Variants in CADM1 observed in about 807,000 individuals in gnomAD.
CADM1 encodes cell adhesion molecule 1.
Under a neutral mutation model 53.1 loss-of-function variants are expected in CADM1, and 15 were observed. The observed-to-expected ratio is 0.28, with a 90% CI of 0.19 to 0.44. The LOEUF (loss-of-function observed/expected upper bound fraction) is 0.44, where lower values mean the gene tolerates loss of function less well. CADM1 is among the 20% of genes least tolerant of loss of function. The probability of loss-of-function intolerance (pLI) is 1.00; values close to 1 mark genes in which losing one functional copy is unlikely to be tolerated. For missense variants in CADM1, 434 were observed against 611.3 expected, an observed-to-expected ratio of 0.71 and a Z score of 3.06; for synonymous variants, 281 against 243.0, an observed-to-expected ratio of 1.16 and a Z score of -1.45.
chr11:115,189,439 C>T (rs1267301492), intron 10 of CADM1, among the ~76,000 whole-genome samples: 1 of 152,116 alleles, frequency 6.6e-6, no homozygotes, highest in Non-Finnish European at 1.5e-5. Context: ...TTGAGAAGAT[C>T]CAATTGCCAG....
chr11:115,332,879 A>G (rs1945168989), intron 1 of CADM1, among the ~76,000 whole-genome samples: 1 of 152,106 alleles, frequency 6.6e-6, no homozygotes, highest in Non-Finnish European at 1.5e-5. Flanking sequence ...AATGGGGGGA[A>G]AAAAGCGATG....
At chr11:115,318,262 T>C (rs186610798) in intron 1 of CADM1, among the ~76,000 whole-genome samples, 3 of 152,334 alleles carry the variant, frequency 2.0e-5, no homozygotes, top group Admixed American at 2.0e-4. Context: ...TTCATACATT[T>C]AGATACTCAG....
At chr11:115,443,587 C>T (rs1216069866) in intron 1 of CADM1, among the ~76,000 whole-genome samples, 1 of 152,134 alleles carries the variant, frequency 6.6e-6, no homozygotes, top group Non-Finnish European at 1.5e-5. Flanking sequence ...AAACTACACA[C>T]ATAATTGTAA....
chr11:115,198,333 TTC>T lies in CADM1; in HGVS notation c.1111+71_1111+72del. 3.5e-6 allele frequency: 4 copies of T among 1,135,050 alleles called. 1 individual carries two copies. Among genetic ancestry groups the T allele is most frequent in the Non-Finnish European group, 5.2e-6 (4 of 775,436 alleles). 70.3% of individuals were successfully genotyped at this position (1,135,050 alleles called of 1,614,324 possible). A position where few individuals can be genotyped will look rare whatever the true frequency, so the allele number is the denominator to read the frequency against. ...ACATGATTTCCCTTGAAGACTACAT[TTC>T]TCTTTTTCCCAGGCTTGCCTTGCCT... On this transcript the variant is annotated intron_variant, in intron 9 of 11. Transcript: ENST00000331581.
In CADM1 at chr11:115,175,661, G is replaced by C. The variant is rs1000161176; in HGVS notation, c.*813C>G. Reference sequence around the variant, plus strand: ...TCTGCCCCAAACCTTTCTGGACAGCGTAGGGTATCTATACTGAGCCGTCTA... The same window carrying C: ...TCTGCCCCAAACCTTTCTGGACAGCCTAGGGTATCTATACTGAGCCGTCTA... On this transcript the variant is annotated 3_prime_UTR_variant, in exon 12 of 12. Transcript: ENST00000331581. The C allele has an allele frequency of 1.0e-6, 1 of 985,938 alleles. No homozygotes were observed. The highest frequency in any genetic ancestry group is 1.2e-6 in the Non-Finnish European group (1 of 830,234). The allele number at this position is 985,938 out of a possible 1,614,324, so 61.1% of individuals were successfully genotyped here. A position where few individuals can be genotyped will look rare whatever the true frequency, so the allele number is the denominator to read the frequency against.
intron 1 of CADM1, among the ~76,000 whole-genome samples, chr11:115,472,212 A>G (rs1949029540): frequency 2.6e-5 from 4 of 152,248 alleles, no homozygotes. Context: ...AGTTACCAAT[A>G]TCAAAAGGTC....
intron 1 of CADM1, among the ~76,000 whole-genome samples, chr11:115,403,595 T>TA (rs1947220104): frequency 1.3e-5 from 2 of 152,136 alleles, no homozygotes; most frequent in South Asian, 4.1e-4. Flanking sequence ...TTTTTGTTTT[T>TA]AATTTTTTTT....
rs1454303197 is a variant in CADM1 at position 115,173,139 on chromosome 11, C to A, written c.*3335G>T. 2 of 152,184 alleles carry A rather than the reference C, an allele frequency of 1.3e-5. No homozygotes were observed. Among genetic ancestry groups the A allele is most frequent in the African/African-American group, 4.8e-5 (2 of 41,420 alleles). The allele number at this position is 152,184 out of a possible 1,614,324, so 9.4% of individuals were successfully genotyped here. A position where few individuals can be genotyped will look rare whatever the true frequency, so the allele number is the denominator to read the frequency against. On this transcript the variant is annotated 3_prime_UTR_variant, in exon 12 of 12. Transcript: ENST00000331581. ...CAAGCCAGTCCTCCACAGCTCACGT[C>A]TTCTTTTTATGAAAGGAGAGAGAAC... is the stretch of plus-strand genomic sequence containing the variant.
chr11:115,392,674 G>A (rs1030830464), intron 1 of CADM1, among the ~76,000 whole-genome samples: 3 of 151,922 alleles, frequency 2.0e-5, no homozygotes, highest in Non-Finnish European at 4.4e-5. Context: ...ACTAACATTC[G>A]CATTCCCAAA....
At chr11:115,504,208 T>C (rs1274530814) in intron 1 of CADM1, 63 bp downstream of exon 1, 2 of 1,551,952 alleles carry the variant, frequency 1.3e-6, no homozygotes, top group Admixed American at 3.9e-5. Context: ...CCCCCCTCTG[T>C]GGCCAAGGCT....
chr11:115,214,573 A>T (rs369076597), intron 7 of CADM1, 35 bp downstream of exon 7: 49 of 1,587,676 alleles, frequency 3.1e-5, no homozygotes, highest in Non-Finnish European at 4.0e-5. Flanking sequence ...CATGTGACTG[A>T]CTCTAGTAGA....
At chr11:115,461,835 G>C (rs1021605516) in intron 1 of CADM1, among the ~76,000 whole-genome samples, 2 of 152,092 alleles carry the variant, frequency 1.3e-5, no homozygotes, top group African/African-American at 4.8e-5. Context: ...GGGACTCCCA[G>C]GGGTAGCAGG....
At chr11:115,422,492 C>T (rs1299550791) in intron 1 of CADM1, among the ~76,000 whole-genome samples, 2 of 152,186 alleles carry the variant, frequency 1.3e-5, no homozygotes, top group African/African-American at 4.8e-5. Flanking sequence ...ATGCCTGATG[C>T]AGCGGTGAGC....
At chr11:115,256,850 C>G (rs758184675) in intron 1 of CADM1, 2 of 456,058 alleles carry the variant, frequency 4.4e-6, no homozygotes, top group South Asian at 3.1e-5. Flanking sequence ...TGTCCAGATG[C>G]CTTCATTGCA....
rs190745802 is a variant in CADM1 at position 115,198,956 on chromosome 11, G to A, written c.1079-518C>T. ...ATCACACTTTTAGGATCCTTTTACTGCTTATGCTCAGATGCCTGTAGATGA... is the reference window on the plus strand; with the variant it reads ...ATCACACTTTTAGGATCCTTTTACTACTTATGCTCAGATGCCTGTAGATGA... On this transcript the variant is annotated intron_variant, in intron 8 of 11. Coordinates refer to ENST00000331581, the MANE Select transcript of CADM1 (RefSeq NM_001301043.2). 1.9e-3 allele frequency among the ~76,000 whole-genome samples: 294 copies of A among 152,284 alleles called. 3 individuals carry two copies. The highest frequency in any genetic ancestry group is 5.1e-4 in the Non-Finnish European group (35 of 68,028).
chr11:115,503,789 G>T (rs1432804225), intron 1 of CADM1, among the ~76,000 whole-genome samples: 1 of 151,998 alleles, frequency 6.6e-6, no homozygotes, highest in Non-Finnish European at 1.5e-5. Flanking sequence ...GCCGCGGGCG[G>T]CTGGGAGTCA....
chr11:115,312,742 A>G (rs1375382781), intron 1 of CADM1, among the ~76,000 whole-genome samples: 1 of 152,158 alleles, frequency 6.6e-6, no homozygotes, highest in Non-Finnish European at 1.5e-5. Context: ...CAGATGACTA[A>G]TAATCTAAAT....
At chr11:115,178,617 G>T in intron 11 of CADM1, 27 bp downstream of exon 11, 1 of 1,609,316 alleles carries the variant, frequency 6.2e-7, no homozygotes, top group Non-Finnish European at 8.5e-7. Flanking sequence ...GGGACACGCT[G>T]CTTCTGTCTG....
intron 1 of CADM1, among the ~76,000 whole-genome samples, chr11:115,378,457 A>G (rs1209165484): frequency 6.6e-6 from 1 of 152,148 alleles, no homozygotes; most frequent in Non-Finnish European, 1.5e-5. Context: ...TTCCTGCACT[A>G]TGGAAAACTG....
Sources: gnomAD v4.1 joint callset for allele counts (sites outside exome capture counted in the v4.1 genomes callset) on GRCh38, gnomAD v4.1.1 for gene constraint, MANE v1.5 for transcripts, NCBI Gene and HGNC (gene_info 2026-07-23, HGNC 2026-07-21) for gene names.